The following PPP2R2D variants were observed in gnomAD, a reference collection of about 807,000 sequenced individuals.
PPP2R2D encodes the protein serine/threonine-protein phosphatase 2A 55 kDa regulatory subunit B delta isoform.
Under a neutral mutation model 31.1 loss-of-function variants are expected in PPP2R2D, and 9 were observed. The observed-to-expected ratio is 0.29, with a 90% CI of 0.17 to 0.51. The LOEUF (loss-of-function observed/expected upper bound fraction) is 0.51, where lower values mean the gene tolerates loss of function less well. PPP2R2D is among the 20% of genes least tolerant of loss of function. The pLI, the probability that PPP2R2D is intolerant of heterozygous loss-of-function variation, is 0.98. For synonymous variants in PPP2R2D, 179 were observed against 172.6 expected, an observed-to-expected ratio of 1.04 and a Z score of -0.29; for missense variants, 391 against 465.6, an observed-to-expected ratio of 0.84 and a Z score of 1.48.
rs114112053 is a variant in PPP2R2D at position 131,915,297 on chromosome 10, C to T, written c.100+13967C>T. 2.8e-3 allele frequency among the ~76,000 whole-genome samples: 420 copies of T among 152,218 alleles called. 4 individuals are homozygous for T. Among genetic ancestry groups the T allele is most frequent in the African/African-American group, 9.6e-3 (398 of 41,526 alleles). ...TGTAAACGTTCCTGGCTTTCGTAGG[C>T]ATTGAAGGCTGCGTCTCAGCTTTGC... On this transcript the variant is annotated intron_variant, in intron 2 of 8. Coordinates refer to ENST00000455566, the MANE Select transcript of PPP2R2D (RefSeq NM_018461.5).
At chr10:131,916,161 A>T (rs2035775271) in intron 2 of PPP2R2D, among the ~76,000 whole-genome samples, 1 of 152,192 alleles carries the variant, frequency 6.6e-6, no homozygotes. Flanking sequence ...ACGCGCCCTG[A>T]TAACCTCCGT....
At chr10:131,912,230 C>G (rs2035696615) in intron 2 of PPP2R2D, 1 of 152,206 alleles carries the variant, frequency 6.6e-6, no homozygotes, top group Non-Finnish European at 1.5e-5. Context: ...ACTCCTCTGT[C>G]ACCCAGGCTG....
chr10:131,911,904 T>G (rs2035690693), intron 2 of PPP2R2D: 1 of 152,150 alleles, frequency 6.6e-6, no homozygotes, highest in Non-Finnish European at 1.5e-5. Flanking sequence ...AAATAGAGTG[T>G]TTATTATGTA....
intron 6 of PPP2R2D, among the ~76,000 whole-genome samples, chr10:131,944,413 A>G (rs184984939): frequency 5.3e-5 from 8 of 152,052 alleles, no homozygotes; most frequent in Admixed American, 3.9e-4. Context: ...AGTTTTAAAT[A>G]GGCTACATTT....
At chr10:131,953,543 C>G (rs2036731604) in intron 8 of PPP2R2D, among the ~76,000 whole-genome samples, 1 of 128,266 alleles carries the variant, frequency 7.8e-6, no homozygotes, top group Admixed American at 8.8e-5. Flanking sequence ...ACTGTCTTAG[C>G]AGTGACTTGT....
At chr10:131,944,178 C>G (rs2036493896) in intron 6 of PPP2R2D, 33 bp downstream of exon 6, 1 of 1,566,324 alleles carries the variant, frequency 6.4e-7, no homozygotes, top group Non-Finnish European at 8.7e-7. Context: ...TGGCGTCTTC[C>G]CGAGGGTGCT....
At position 131,910,002 on chromosome 10, in the gene PPP2R2D, TTCTGCATTCCGTGTG is replaced by T. The variant is rs1424461982; in HGVS notation, c.100+8674_100+8688del. On this transcript the variant is annotated intron_variant, in intron 2 of 8. Transcript: ENST00000455566. Reference sequence around the variant, plus strand: ...GTGACGGCTGGATTCTCAGACCTGCTTCTGCATTCCGTGTGTTCCAGTTGCTTTATTGAAATGTGT... The same window carrying T: ...GTGACGGCTGGATTCTCAGACCTGCTTTCCAGTTGCTTTATTGAAATGTGT... 4.0e-5 allele frequency among the ~76,000 whole-genome samples: 6 copies of T among 151,582 alleles called. No individual in the cohort carries two copies. The South Asian group carries it at 6.2e-4, about 16-fold the overall frequency.
chr10:131,932,619 A>G (rs940778246), intron 2 of PPP2R2D, among the ~76,000 whole-genome samples: 4 of 134,370 alleles, frequency 3.0e-5, no homozygotes, highest in Non-Finnish European at 6.2e-5. Flanking sequence ...GTGAGCCAAG[A>G]TCGCGCCACT....
chr10:131,947,623 A>G lies in PPP2R2D; in HGVS notation c.914A>G (p.Tyr305Cys). ...SDVKFSHSGR[Y>C]MMTRDYLSVK... ...GTAAAATTCAGTCATAGTGGGCGGT[A>G]CATGATGACCAGAGACTACCTGTCG... The change falls in exon 8 of 9, where the codon TAC (tyrosine) becomes TGC (cysteine). Residue 305 changes from tyrosine to cysteine, a missense_variant. This residue lies in a region of PPP2R2D where 123 missense variants were observed against 187.7 expected (regional missense o/e 0.66). Coordinates refer to ENST00000455566, the MANE Select transcript of PPP2R2D (RefSeq NM_018461.5). The surrounding 1 kb of genome is among the most constrained non-coding windows in gnomAD (Gnocchi z 4.3). 1 of 1,614,264 alleles carries G rather than the reference A, an allele frequency of 6.2e-7. No homozygotes were observed. Among genetic ancestry groups the G allele is most frequent in the African/African-American group, 1.3e-5 (1 of 75,068 alleles).
chr10:131,955,507 G>T (rs1012561009), intron 8 of PPP2R2D, among the ~76,000 whole-genome samples, 177 bp from the exon 9 acceptor site: 23 of 152,228 alleles, frequency 1.5e-4, no homozygotes, highest in Admixed American at 1.4e-3. Flanking sequence ...ATAAAGCTCG[G>T]TACACATTTT....
At position 131,951,474 on chromosome 10, in the gene PPP2R2D, C is replaced by T. The variant is rs191987916; in HGVS notation, c.1082+3683C>T. ...AAAGAAAATTCAGGAGGAATGCGTA[C>T]GGTGCAATGACATACAACATGTTTA... On this transcript the variant is annotated intron_variant, in intron 8 of 8. Transcript: ENST00000455566. 3.9e-5 allele frequency among the ~76,000 whole-genome samples: 6 copies of T among 152,320 alleles called. No homozygotes were observed. The East Asian group carries it at 7.7e-4, about 20-fold the overall frequency.
At chr10:131,960,928 T>C (rs2036912507), downstream of PPP2R2D, among the ~76,000 whole-genome samples, 1 of 152,220 alleles carries the variant, frequency 6.6e-6, no homozygotes, top group Admixed American at 6.5e-5. Flanking sequence ...GGCGTGGCTC[T>C]GCTCGTCCTG....
the PPP2R2D span, chr10:131,969,595 A>T: frequency 6.6e-6 from 1 of 152,284 alleles, no homozygotes; most frequent in African/African-American, 2.4e-5. Context: ...CAGGAAACTC[A>T]GTGGCTTTTA....
Position 131,947,911 on chromosome 10 carries a change from T to G in PPP2R2D, c.1082+120T>G. 1 of 1,271,054 alleles carries G rather than the reference T, an allele frequency of 7.9e-7. No individual in the cohort carries two copies. The highest frequency in any genetic ancestry group is 1.5e-5 in the South Asian group (1 of 68,928). The allele number at this position is 1,271,054 out of a possible 1,614,324, so 78.7% of individuals were successfully genotyped here. ...AGGAGGACGCTCATAGGGTGTTGTT[T>G]TCCAGACCTTTTGATTGATGGATGA... On this transcript the variant is annotated intron_variant, in intron 8 of 8. Coordinates refer to ENST00000455566, the MANE Select transcript of PPP2R2D (RefSeq NM_018461.5). This position sits in a 1 kb window ranked among gnomAD's most constrained non-coding sequence, Gnocchi z 4.3.
chr10:131,955,606 A>AC (rs1251292843), intron 8 of PPP2R2D, 78 bp from the exon 9 acceptor site: 2 of 1,294,238 alleles, frequency 1.5e-6, no homozygotes, highest in Non-Finnish European at 2.0e-6. Context: ...TGCGCTGTGC[A>AC]CCCCAGGGGT....
chr10:131,960,927 C>A (rs544946030), downstream of PPP2R2D, among the ~76,000 whole-genome samples: 8 of 152,312 alleles, frequency 5.3e-5, no homozygotes, highest in South Asian at 1.0e-3. Context: ...GGGCGTGGCT[C>A]TGCTCGTCCT....
rs2036811508 is a variant in PPP2R2D, at chr10:131,957,036, T to C, written c.*1073T>C. ...TTGGTTTATTTTCAAAGTAGGATCTTTGATACCAGAAATCAAGATTTTCCA... is the reference window on the plus strand; with the variant it reads ...TTGGTTTATTTTCAAAGTAGGATCTCTGATACCAGAAATCAAGATTTTCCA... On this transcript the variant is annotated 3_prime_UTR_variant, in exon 9 of 9. Transcript: ENST00000455566. 1 of 152,306 alleles carries C rather than the reference T, an allele frequency of 6.6e-6. No individual in the cohort carries two copies. Among genetic ancestry groups the C allele is most frequent in the Non-Finnish European group, 1.5e-5 (1 of 68,088 alleles). The allele number at this position is 152,306 out of a possible 1,614,324, so 9.4% of individuals were successfully genotyped here.
intron 2 of PPP2R2D, among the ~76,000 whole-genome samples, chr10:131,929,906 C>A (rs2036186338): frequency 6.6e-6 from 1 of 152,196 alleles, no homozygotes; most frequent in Non-Finnish European, 1.5e-5. Flanking sequence ...CCTGAGGCCG[C>A]CCCGGTTGTA....
chr10:131,953,669 C>CG (rs1237750595), intron 8 of PPP2R2D, among the ~76,000 whole-genome samples: 2 of 90,716 alleles, frequency 2.2e-5, no homozygotes, highest in African/African-American at 9.0e-5. Flanking sequence ...TCCAAGTGTG[C>CG]GGGGGGTTCA....
Sources: allele counts gnomAD v4.1 joint callset (sites outside exome capture counted in the v4.1 genomes callset), GRCh38; gene constraint gnomAD v4.1.1; regional missense constraint gnomAD v4.1.1; non-coding constraint Gnocchi (gnomAD v3.1); transcripts MANE v1.5; gene names NCBI Gene and HGNC (gene_info 2026-07-23, HGNC 2026-07-21).